ADD2: variants seen among roughly 807,000 people sequenced by gnomAD.
The protein encoded by ADD2 is beta-adducin.
In ADD2, 23 loss-of-function variants were observed where a neutral mutation model predicts 83.0. The ratio of observed to expected loss-of-function variants is 0.28; its 90% CI spans 0.20 to 0.39. The LOEUF is 0.39. Among genes scored for constraint, ADD2 ranks in the 10% least tolerant of loss-of-function variants. The pLI is 1.00. For missense variants in ADD2, 758 were observed against 944.9 expected (o/e 0.80, Z 2.59); for synonymous variants, 375 against 375.4 (o/e 1.00, Z 0.01).
intron 1 of ADD2, among the ~76,000 whole-genome samples, chr2:70,749,393 G>C (rs1464663785): frequency 6.6e-6 from 1 of 152,144 alleles, no homozygotes; most frequent in Admixed American, 6.5e-5. Flanking sequence ...TGCATAGGAA[G>C]CACTCTCTTG....
intron 1 of ADD2, among the ~76,000 whole-genome samples, chr2:70,732,410 T>C (rs1342962842): frequency 2.6e-5 from 4 of 152,224 alleles, no homozygotes; most frequent in South Asian, 2.1e-4. Flanking sequence ...TCTGGATCAA[T>C]TGAGATCACA....
chr2:70,728,193 G>C (rs1047542035), intron 1 of ADD2, among the ~76,000 whole-genome samples: 19 of 152,204 alleles, frequency 1.2e-4, no homozygotes, highest in Non-Finnish European at 2.5e-4. Flanking sequence ...GTCCGTCCCT[G>C]AGGCCACTGC....
intron 6 of ADD2, among the ~76,000 whole-genome samples, chr2:70,693,916 C>CCCT (rs1671181712): frequency 6.6e-6 from 1 of 152,192 alleles, no homozygotes; most frequent in Admixed American, 6.5e-5. Flanking sequence ...AGCAGGTACC[C>CCCT]CCTCTTGAGG....
At chr2:70,691,146 T>C (rs1178513371) in intron 7 of ADD2, among the ~76,000 whole-genome samples, 1 of 152,168 alleles carries the variant, frequency 6.6e-6, no homozygotes, top group Non-Finnish European at 1.5e-5. Context: ...ATCACTGTTT[T>C]CACAGCAGCC....
rs781857683 is a variant in ADD2, at chr2:70,683,600, C to T, written c.1116G>A (p.Leu372=). The change falls in exon 10 of 16, where the codon CTG becomes CTA. Residue 372 remains leucine, a synonymous_variant. Coordinates refer to ENST00000264436, the MANE Select transcript of ADD2 (RefSeq NM_001617.4). ...EHEFEALMRM[L]DNLGYRTGYT... ...ATGGCAGGAGACTCACCAGGTTGTCCAGCATCCTCATGAGGGCCTCAAACT... is the reference window on the plus strand; with the variant it reads ...ATGGCAGGAGACTCACCAGGTTGTCTAGCATCCTCATGAGGGCCTCAAACT... The T allele has an allele frequency of 6.2e-7, 1 of 1,612,012 alleles. No homozygotes were observed. The highest frequency in any genetic ancestry group is 1.7e-5 in the Admixed American group (1 of 59,944).
At chr2:70,722,549 G>A (rs1672782167) in intron 1 of ADD2, among the ~76,000 whole-genome samples, 1 of 152,202 alleles carries the variant, frequency 6.6e-6, no homozygotes, top group Non-Finnish European at 1.5e-5. Flanking sequence ...GAGGGCCTTG[G>A]GAGAGCCCCT....
chr2:70,767,958 G>A lies in ADD2; in HGVS notation c.-226C>T. On this transcript the variant is annotated 5_prime_UTR_variant, in exon 1 of 16. Transcript: ENST00000264436. ...TTTTGTTATTTTATGGGTTTGGGGG[G>A]TGGGGTGCGCTTAAAAAATCCACCC... The A allele has an allele frequency of 2.0e-6, 3 of 1,535,546 alleles. No homozygotes were observed. The Admixed American group carries it at 5.9e-5, about 30-fold the overall frequency.
chr2:70,765,415 ATGTTTTG>A (rs145966107), intron 1 of ADD2, among the ~76,000 whole-genome samples: 31,362 of 152,010 alleles, frequency 0.21, 3,836 homozygotes, highest in African/African-American at 0.34. Context: ...TGGCCATATA[ATGTTTTG>A]TGTTTTGTGT....
chr2:70,738,890 A>G (rs1164967949), intron 1 of ADD2, among the ~76,000 whole-genome samples: 2 of 152,238 alleles, frequency 1.3e-5, no homozygotes, highest in African/African-American at 4.8e-5. Flanking sequence ...AATCAACTCA[A>G]GATGCATTAA....
rs1302109965 is a variant in ADD2 at position 70,664,717 on chromosome 2, A to ACAAGTGTGTGTGAGTGTG, written c.1871-1000_1871-983dup. 5.9e-5 allele frequency among the ~76,000 whole-genome samples: 9 copies of ACAAGTGTGTGTGAGTGTG among 151,532 alleles called. 1 individual carries two copies. The highest frequency in any genetic ancestry group is 3.4e-3 in the Middle Eastern group (1 of 294). On this transcript the variant is annotated intron_variant, in intron 15 of 15. Transcript: ENST00000264436. ...TGTGGGTGAGCACGTGTGAGTGTGT[A>ACAAGTGTGTGTGAGTGTG]CAAGTGTGTGTGAGTGTGCAAGTGT...
intron 1 of ADD2, among the ~76,000 whole-genome samples, chr2:70,724,125 T>C (rs373185239): frequency 6.6e-6 from 1 of 152,346 alleles, no homozygotes; most frequent in African/African-American, 2.4e-5. Flanking sequence ...TGTGGAAACA[T>C]GTACCTTCAT....
At chr2:70,668,816 C>T (rs922197963) in intron 15 of ADD2, among the ~76,000 whole-genome samples, 18 of 152,206 alleles carry the variant, frequency 1.2e-4, no homozygotes, top group Admixed American at 9.2e-4. Flanking sequence ...CCTCAAGCCC[C>T]CCAGCTTTGA....
At chr2:70,692,634 G>C (rs1671103718) in intron 6 of ADD2, 82 bp from the exon 7 acceptor site, 6 of 1,423,646 alleles carry the variant, frequency 4.2e-6, no homozygotes, top group Middle Eastern at 4.1e-4. Flanking sequence ...GGCCCAGCAT[G>C]TGCCGCCCAC....
At chr2:70,688,661 G>A (rs1440570065) in intron 8 of ADD2, among the ~76,000 whole-genome samples, 1 of 152,262 alleles carries the variant, frequency 6.6e-6, no homozygotes, top group Non-Finnish European at 1.5e-5. Flanking sequence ...GGTGAGTCAC[G>A]TCACCTCTTT....
At chr2:70,710,535 C>T (rs1411573253) in intron 2 of ADD2, among the ~76,000 whole-genome samples, 8 of 152,224 alleles carry the variant, frequency 5.3e-5, no homozygotes, top group Non-Finnish European at 7.3e-5. Context: ...GCCCTGACTC[C>T]ATCACCATCA....
At chr2:70,669,406 A>C (rs1359696140) in intron 15 of ADD2, among the ~76,000 whole-genome samples, 1 of 152,206 alleles carries the variant, frequency 6.6e-6, no homozygotes, top group Non-Finnish European at 1.5e-5. Flanking sequence ...ACATTGAGAA[A>C]CATAAGTTTA....
At chr2:70,692,589 G>T in intron 6 of ADD2, 37 bp from the exon 7 acceptor site, 1 of 1,549,056 alleles carries the variant, frequency 6.5e-7, no homozygotes, top group South Asian at 1.2e-5. Context: ...TGGCAACAGG[G>T]TGGCCGAGGC....
intron 1 of ADD2, among the ~76,000 whole-genome samples, chr2:70,762,635 A>G (rs1200364298): frequency 6.7e-6 from 1 of 149,648 alleles, no homozygotes; most frequent in Non-Finnish European, 1.5e-5. Flanking sequence ...ATATAAATAT[A>G]ACTATATTAT....
chr2:70,723,406 T>A (rs1466967876), intron 1 of ADD2, among the ~76,000 whole-genome samples: 1 of 151,912 alleles, frequency 6.6e-6, no homozygotes, highest in Non-Finnish European at 1.5e-5. Flanking sequence ...TTTTTTTTTT[T>A]ATCACAGTCT....
Sources: allele counts gnomAD v4.1 joint callset (sites outside exome capture counted in the v4.1 genomes callset), GRCh38; gene constraint gnomAD v4.1.1; transcripts MANE v1.5; gene names NCBI Gene and HGNC (gene_info 2026-07-23, HGNC 2026-07-21).